DOCK7: variants seen among roughly 807,000 people sequenced by gnomAD.
The protein encoded by DOCK7 is dedicator of cytokinesis protein 7.
In DOCK7, 138 loss-of-function variants were observed where a neutral mutation model predicts 271.0. That is an observed-to-expected ratio of 0.51 (90% CI 0.44 to 0.59). DOCK7 has a LOEUF of 0.59. DOCK7 is among the 20% of genes least tolerant of loss of function. DOCK7 has a pLI of 0.00. For synonymous variants in DOCK7, 823 were observed against 876.1 expected (o/e 0.94, Z 1.07); for missense variants, 2,066 against 2,592.4 (o/e 0.80, Z 4.41).
intron 7 of DOCK7, among the ~76,000 whole-genome samples, chr1:62,637,547 C>A (rs1655430273): frequency 6.6e-6 from 1 of 152,118 alleles, no homozygotes; most frequent in African/African-American, 2.4e-5. Flanking sequence ...CAGTCCCTGA[C>A]AACAAAGAAC....
At chr1:62,674,588 G>GTAC (rs1660348651) in intron 1 of DOCK7, among the ~76,000 whole-genome samples, 1 of 152,178 alleles carries the variant, frequency 6.6e-6, no homozygotes. Flanking sequence ...GAACAGCACT[G>GTAC]TACTGGTATA....
intron 19 of DOCK7, among the ~76,000 whole-genome samples, chr1:62,561,335 C>T (rs775751670): frequency 6.6e-6 from 1 of 152,146 alleles, no homozygotes; most frequent in African/African-American, 2.4e-5. Context: ...GATGGTTTCT[C>T]AATTCTAATT....
intron 8 of DOCK7, among the ~76,000 whole-genome samples, chr1:62,635,864 T>G (rs995587708): frequency 7.2e-5 from 11 of 152,074 alleles, no homozygotes; most frequent in Non-Finnish European, 1.6e-4. Context: ...ATTCTCCCAC[T>G]TTGGCCTGCC....
chr1:62,597,868 G>C, intron 14 of DOCK7: 9 of 1,593,972 alleles, frequency 5.6e-6, no homozygotes, highest in Non-Finnish European at 7.7e-6. Flanking sequence ...GAACTGAGAA[G>C]AACTACATAT....
intron 14 of DOCK7, among the ~76,000 whole-genome samples, chr1:62,588,124 G>A (rs1229986952): frequency 6.6e-6 from 1 of 152,120 alleles, no homozygotes. Flanking sequence ...TGGTCAGCTT[G>A]CTAGTCTAAA....
chr1:62,638,045 A>C (rs1022948903), intron 7 of DOCK7, among the ~76,000 whole-genome samples: 2 of 152,138 alleles, frequency 1.3e-5, no homozygotes, highest in African/African-American at 4.8e-5. Flanking sequence ...CTGTCGGTCC[A>C]TTTATTTTGG....
rs183374303 is a variant in DOCK7 at position 62,553,615 on chromosome 1, C to T, written c.2597-714G>A. 6.0e-5 allele frequency among the ~76,000 whole-genome samples: 9 copies of T among 150,704 alleles called. No homozygotes were observed. In the East Asian group the frequency reaches 1.8e-3, roughly 29 times the overall value. ...TTTTGAACTCCTGGCCTCAAGCAATCCTCCTCTCTTGGCCTCCTTGAAGCA... is the reference window on the plus strand; with the variant it reads ...TTTTGAACTCCTGGCCTCAAGCAATTCTCCTCTCTTGGCCTCCTTGAAGCA... On this transcript the variant is annotated intron_variant, in intron 21 of 49. Transcript: ENST00000635253.
intron 12 of DOCK7, among the ~76,000 whole-genome samples, 185 bp from the exon 13 acceptor site, chr1:62,620,178 C>T (rs1652981070): frequency 6.6e-6 from 1 of 151,790 alleles, no homozygotes; most frequent in Non-Finnish European, 1.5e-5. Context: ...AAAAAATTAG[C>T]CAGGCATGGT....
At chr1:62,485,399 T>C in intron 43 of DOCK7, 1 of 985,232 alleles carries the variant, frequency 1.0e-6, no homozygotes, top group Non-Finnish European at 1.2e-6. Flanking sequence ...TAATTTGCAC[T>C]AAATCAAGGA....
At chr1:62,471,236 T>G (rs968447747) in intron 48 of DOCK7, among the ~76,000 whole-genome samples, 3 of 152,162 alleles carry the variant, frequency 2.0e-5, no homozygotes, top group African/African-American at 7.2e-5. Flanking sequence ...GTTAAGTTTC[T>G]GGGGTGGGGA....
At chr1:62,558,573 C>A (rs896061936) in intron 20 of DOCK7, among the ~76,000 whole-genome samples, 1 of 151,944 alleles carries the variant, frequency 6.6e-6, no homozygotes, top group African/African-American at 2.4e-5. Context: ...CTACATTAAG[C>A]GGAGGATAGC....
chr1:62,513,277 A>T (rs1644552718), intron 33 of DOCK7, among the ~76,000 whole-genome samples, 167 bp downstream of exon 33: 1 of 109,640 alleles, frequency 9.1e-6, no homozygotes, highest in African/African-American at 3.4e-5. Flanking sequence ...CGGTATGCTG[A>T]CTCACCTAAA....
chr1:62,512,108 A>T (rs1216864380), intron 33 of DOCK7, among the ~76,000 whole-genome samples: 19 of 152,242 alleles, frequency 1.2e-4, no homozygotes, highest in Non-Finnish European at 7.3e-5. Flanking sequence ...AAAGGCAAAG[A>T]CTGTGCCTTT....
At chr1:62,476,499 T>G (rs1234548760) in intron 44 of DOCK7, among the ~76,000 whole-genome samples, 4 of 152,172 alleles carry the variant, frequency 2.6e-5, no homozygotes, top group African/African-American at 9.7e-5. Context: ...TCATTATTGT[T>G]GATGTATAAA....
rs968459790 is a variant in DOCK7, at chr1:62,455,254, C to G, written c.*160G>C. 1.3e-6 allele frequency: 1 copy of G among 780,018 alleles called. No individual in the cohort carries two copies. The highest frequency in any genetic ancestry group is 2.2e-6 in the Non-Finnish European group (1 of 456,688). The allele number at this position is 780,018 out of a possible 1,614,324, so 48.3% of individuals were successfully genotyped here. The stretch of plus-strand genomic sequence containing the variant: ...CATTAGAAACCATAGCCATGATTCT[C>G]AAGCGTTAACAATCTACATTTGATA... On this transcript the variant is annotated 3_prime_UTR_variant, in exon 50 of 50. Transcript: ENST00000635253.
At chr1:62,538,979 T>C (rs996940083) in intron 27 of DOCK7, among the ~76,000 whole-genome samples, 60 of 152,216 alleles carry the variant, frequency 3.9e-4, no homozygotes, top group African/African-American at 1.3e-3. Flanking sequence ...ACTAATGTTT[T>C]CTAGAAGGCA....
At chr1:62,641,949 T>G (rs1409333371) in intron 7 of DOCK7, among the ~76,000 whole-genome samples, 1 of 152,178 alleles carries the variant, frequency 6.6e-6, no homozygotes, top group Non-Finnish European at 1.5e-5. Flanking sequence ...TGCTTATGTT[T>G]TACATGGATT....
intron 14 of DOCK7, among the ~76,000 whole-genome samples, chr1:62,593,567 G>A (rs759325943): frequency 4.6e-5 from 7 of 152,146 alleles, no homozygotes; most frequent in African/African-American, 9.6e-5. Context: ...GCAAAACTCC[G>A]TCTCAAAAAT....
intron 37 of DOCK7, among the ~76,000 whole-genome samples, chr1:62,500,503 T>C (rs1411908007): frequency 6.6e-6 from 1 of 152,100 alleles, no homozygotes; most frequent in African/African-American, 2.4e-5. Context: ...ACAAGTATTT[T>C]ATATTCAAGA....
Sources: allele counts gnomAD v4.1 joint callset (sites outside exome capture counted in the v4.1 genomes callset), GRCh38; gene constraint gnomAD v4.1.1; transcripts MANE v1.5; gene names NCBI Gene and HGNC (gene_info 2026-07-23, HGNC 2026-07-21).